The following RASAL2 variants were observed in gnomAD, a reference collection of about 807,000 sequenced individuals.
The protein encoded by RASAL2 is ras GTPase-activating protein nGAP.
Under a neutral mutation model 128.9 loss-of-function variants are expected in RASAL2, and 58 were observed. The observed-to-expected ratio is 0.45, with a 90% CI of 0.36 to 0.56. RASAL2 has a LOEUF of 0.56. RASAL2 is among the 20% of genes least tolerant of loss of function. RASAL2 has a pLI of 0.00. For missense variants in RASAL2, 1,360 were observed against 1,601.6 expected (o/e 0.85, Z 2.57); for synonymous variants, 561 against 580.8 (o/e 0.97, Z 0.49).
At chr1:178,414,779 C>T (rs1674644148) in intron 4 of RASAL2, among the ~76,000 whole-genome samples, 1 of 152,108 alleles carries the variant, frequency 6.6e-6, no homozygotes, top group African/African-American at 2.4e-5. Flanking sequence ...GACTCAATTT[C>T]TTTAATAGAT....
intron 1 of RASAL2, among the ~76,000 whole-genome samples, chr1:178,193,851 C>G: frequency 6.6e-6 from 1 of 152,138 alleles, no homozygotes; most frequent in South Asian, 2.1e-4. Flanking sequence ...CTAGCTATTA[C>G]AAATGCACAT....
chr1:178,431,120 T>C (rs1675865344), intron 5 of RASAL2, among the ~76,000 whole-genome samples: 1 of 151,950 alleles, frequency 6.6e-6, no homozygotes, highest in South Asian at 2.1e-4. Flanking sequence ...TAAAAGAAAA[T>C]GTAGCTTATT....
At chr1:178,243,277 C>T (rs1664601771) in intron 1 of RASAL2, among the ~76,000 whole-genome samples, 1 of 152,074 alleles carries the variant, frequency 6.6e-6, no homozygotes. Flanking sequence ...CTGGTGCTGC[C>T]CAAAGCAGGG....
chr1:178,266,821 C>T (rs909915234), intron 1 of RASAL2, among the ~76,000 whole-genome samples: 1 of 152,218 alleles, frequency 6.6e-6, no homozygotes, highest in South Asian at 2.1e-4. Flanking sequence ...CCCACCCTAG[C>T]CTTTTAATAT....
chr1:178,292,682 G>A (rs1667331713), intron 2 of RASAL2, among the ~76,000 whole-genome samples: 1 of 152,058 alleles, frequency 6.6e-6, no homozygotes, highest in Non-Finnish European at 1.5e-5. Flanking sequence ...TTGCTTGCAA[G>A]AGATGAGACC....
At chr1:178,341,636 A>G (rs932639357) in intron 3 of RASAL2, 12 of 1,613,712 alleles carry the variant, frequency 7.4e-6, no homozygotes, top group Non-Finnish European at 1.0e-5. Context: ...CTGAGACCGA[A>G]ATGAAAAGTC....
At chr1:178,133,329 T>G (rs998740058) in intron 1 of RASAL2, among the ~76,000 whole-genome samples, 1 of 152,174 alleles carries the variant, frequency 6.6e-6, no homozygotes, top group Non-Finnish European at 1.5e-5. Flanking sequence ...GTTATCTGCC[T>G]TTCCATGATC....
At chr1:178,210,580 T>C (rs2101984290) in intron 1 of RASAL2, among the ~76,000 whole-genome samples, 1 of 152,358 alleles carries the variant, frequency 6.6e-6, no homozygotes, top group South Asian at 2.1e-4. Flanking sequence ...TATCCTACTT[T>C]GCGGGAATGT....
intron 1 of RASAL2, among the ~76,000 whole-genome samples, chr1:178,132,977 C>G (rs1470320444): frequency 6.6e-6 from 1 of 152,096 alleles, no homozygotes; most frequent in African/African-American, 2.4e-5. Context: ...GTCAGCCAGG[C>G]TGGTCTCAAA....
chr1:178,177,596 G>A (rs1445017600), intron 1 of RASAL2, among the ~76,000 whole-genome samples: 3 of 152,192 alleles, frequency 2.0e-5, no homozygotes, highest in African/African-American at 7.2e-5. Context: ...CTGAGGAATT[G>A]ATCTTTGAGT....
chr1:178,212,651 C>T (rs1289188046), intron 1 of RASAL2, among the ~76,000 whole-genome samples: 1 of 152,026 alleles, frequency 6.6e-6, no homozygotes, highest in African/African-American at 2.4e-5. Context: ...ACCACCACGC[C>T]CAACTAATTT....
chr1:178,103,323 C>T (rs985272231), intron 1 of RASAL2, among the ~76,000 whole-genome samples: 4 of 151,832 alleles, frequency 2.6e-5, no homozygotes, highest in African/African-American at 7.3e-5. Flanking sequence ...TTTGCTAGTT[C>T]AAGTGATTTT....
chr1:178,142,280 G>T (rs1660562442), intron 1 of RASAL2, among the ~76,000 whole-genome samples: 1 of 152,146 alleles, frequency 6.6e-6, no homozygotes, highest in Admixed American at 6.6e-5. Context: ...GACTGGGTAG[G>T]GTCCTTCCCA....
chr1:178,257,716 C>T (rs1665441046), intron 1 of RASAL2, among the ~76,000 whole-genome samples: 1 of 151,766 alleles, frequency 6.6e-6, no homozygotes, highest in Non-Finnish European at 1.5e-5. Flanking sequence ...GTGGCGTGTG[C>T]TTGTAGTCCC....
chr1:178,464,831 G>GTTTTTTTTTTTTTTTTTTTATTT, intron 15 of RASAL2, among the ~76,000 whole-genome samples: 1 of 38,198 alleles, frequency 2.6e-5, no homozygotes, highest in African/African-American at 1.2e-4. Context: ...GGTTTTAGTT[G>GTTTTTTTTTTTTTTTTTTTATTT]TTTTTTTTTT....
At chr1:178,129,986 A>G (rs1660042768) in intron 1 of RASAL2, among the ~76,000 whole-genome samples, 1 of 152,236 alleles carries the variant, frequency 6.6e-6, no homozygotes, top group Non-Finnish European at 1.5e-5. Context: ...TTTATATTTT[A>G]GAATTAACAT....
At chr1:178,417,189 T>C (rs1415567243) in intron 4 of RASAL2, among the ~76,000 whole-genome samples, 4 of 152,152 alleles carry the variant, frequency 2.6e-5, no homozygotes, top group Non-Finnish European at 5.9e-5. Flanking sequence ...TTCTGGGTTA[T>C]TTTTGTTTGT....
intron 5 of RASAL2, among the ~76,000 whole-genome samples, chr1:178,421,180 A>G (rs903523583): frequency 6.6e-6 from 1 of 151,540 alleles, no homozygotes; most frequent in African/African-American, 2.4e-5. Flanking sequence ...TTTTACTGCT[A>G]TGTTCTGTAT....
intron 1 of RASAL2, among the ~76,000 whole-genome samples, chr1:178,173,841 CAA>C (rs1010762334): frequency 8.6e-5 from 13 of 150,770 alleles, no homozygotes; most frequent in African/African-American, 1.2e-4. Context: ...TTTCACATGA[CAA>C]GAGAGGAATT....
Sources: allele counts gnomAD v4.1 joint callset (sites outside exome capture counted in the v4.1 genomes callset), GRCh38; gene constraint gnomAD v4.1.1; transcripts MANE v1.5; gene names NCBI Gene and HGNC (gene_info 2026-07-23, HGNC 2026-07-21).